Variants in ENTHD1 observed in about 807,000 individuals in gnomAD.
ENTHD1 encodes ENTH domain containing 1.
ENTHD1 carries 23 observed loss-of-function variants against 39.1 expected under a neutral mutation model. The observed-to-expected ratio is 0.59, with a 90% CI of 0.42 to 0.83. The LOEUF is 0.83. Ranked by LOEUF, ENTHD1 falls within the 40% of genes least tolerant of loss-of-function variation. The pLI is 0.00. For synonymous variants in ENTHD1, 230 were observed against 258.2 expected (o/e 0.89, Z 1.05); for missense variants, 624 against 705.4 (o/e 0.88, Z 1.31).
intron 6 of ENTHD1, among the ~76,000 whole-genome samples, chr22:39,762,773 T>A (rs145456678): frequency 1.0e-3 from 153 of 152,254 alleles, no homozygotes; most frequent in African/African-American, 3.6e-3. Flanking sequence ...TTAAAATAGA[T>A]ACTAGTATTC....
intron 5 of ENTHD1, among the ~76,000 whole-genome samples, chr22:39,772,112 C>T (rs1312896819): frequency 6.6e-6 from 1 of 152,164 alleles, no homozygotes; most frequent in Non-Finnish European, 1.5e-5. Flanking sequence ...GACAATTTTT[C>T]CACAGAACAG....
chr22:39,868,803 A>C (rs558784782), intron 2 of ENTHD1, among the ~76,000 whole-genome samples: 1 of 152,226 alleles, frequency 6.6e-6, no homozygotes, highest in Non-Finnish European at 1.5e-5. Context: ...CCAACTAAAA[A>C]ATGGGCAAAA....
At chr22:39,853,653 A>G (rs1411012790) in intron 3 of ENTHD1, among the ~76,000 whole-genome samples, 4 of 152,124 alleles carry the variant, frequency 2.6e-5, no homozygotes, top group African/African-American at 9.7e-5. Flanking sequence ...AGCTCACTGC[A>G]ACGTCTGCCT....
intron 3 of ENTHD1, among the ~76,000 whole-genome samples, chr22:39,860,217 A>G (rs1183500289): frequency 2.6e-5 from 4 of 152,228 alleles, no homozygotes; most frequent in Admixed American, 6.5e-5. Flanking sequence ...AATAAATTCA[A>G]TAATTATGTG....
intron 5 of ENTHD1, among the ~76,000 whole-genome samples, chr22:39,789,515 A>G (rs1273577039): frequency 6.6e-6 from 1 of 152,138 alleles, no homozygotes. Context: ...GGCATTTAAC[A>G]TTGACTGATT....
intron 2 of ENTHD1, among the ~76,000 whole-genome samples, chr22:39,883,855 CAAA>C (rs137949): frequency 1.5e-5 from 1 of 68,592 alleles, no homozygotes. Flanking sequence ...CTCTGTCCCA[CAAA>C]AAAAAAAAAA....
chr22:39,807,788 A>T (rs2065654734), intron 5 of ENTHD1, among the ~76,000 whole-genome samples: 3 of 152,164 alleles, frequency 2.0e-5, no homozygotes, highest in African/African-American at 7.2e-5. Flanking sequence ...TAAAAAGTAA[A>T]ATGACTAAGA....
In ENTHD1 at chr22:39,743,559, G is replaced by A; in HGVS notation, c.*120C>T. 8.2e-7 allele frequency: 1 copy of A among 1,226,816 alleles called. No individual in the cohort carries two copies. Among genetic ancestry groups the A allele is most frequent in the Non-Finnish European group, 1.1e-6 (1 of 917,408 alleles). The allele number at this position is 1,226,816 out of a possible 1,614,324, so 76.0% of individuals were successfully genotyped here. A position where few individuals can be genotyped will look rare whatever the true frequency, so the allele number is the denominator to read the frequency against. ...TTGAAAGATACTTGCTAATAAACCT[G>A]ACAAGGAAAAATTAAACCATCCCCT... On this transcript the variant is annotated 3_prime_UTR_variant, in exon 7 of 7. Coordinates refer to ENST00000325157, the MANE Select transcript of ENTHD1 (RefSeq NM_152512.4).
chr22:39,871,866 C>T (rs1211242579), intron 2 of ENTHD1, among the ~76,000 whole-genome samples: 1 of 152,100 alleles, frequency 6.6e-6, no homozygotes, highest in African/African-American at 2.4e-5. Context: ...CTTATGATGA[C>T]CTAAAGCCTG....
intron 2 of ENTHD1, among the ~76,000 whole-genome samples, chr22:39,870,642 G>A (rs984118010): frequency 3.9e-5 from 6 of 152,202 alleles, no homozygotes; most frequent in Non-Finnish European, 5.9e-5. Flanking sequence ...CCTTCTTTGG[G>A]TTTATAATAG....
At chr22:39,819,015 C>T (rs977873749) in intron 5 of ENTHD1, among the ~76,000 whole-genome samples, 3 of 152,112 alleles carry the variant, frequency 2.0e-5, no homozygotes, top group African/African-American at 7.2e-5. Context: ...TTCTATTCAG[C>T]ATTACAGTAG....
At chr22:39,824,211 T>TTA (rs1569155981) in intron 4 of ENTHD1, among the ~76,000 whole-genome samples, 1 of 135,658 alleles carries the variant, frequency 7.4e-6, no homozygotes, top group Non-Finnish European at 1.6e-5. Context: ...CTTTTTTTTT[T>TTA]TTTTTTTTTT....
At chr22:39,751,770 A>C (rs1569124341) in intron 6 of ENTHD1, among the ~76,000 whole-genome samples, 1 of 152,188 alleles carries the variant, frequency 6.6e-6, no homozygotes, top group African/African-American at 2.4e-5. Context: ...GAGACAATAA[A>C]TTATTTGTAG....
intron 3 of ENTHD1, among the ~76,000 whole-genome samples, chr22:39,853,481 C>T (rs1950740618): frequency 6.6e-6 from 1 of 152,026 alleles, no homozygotes; most frequent in South Asian, 2.1e-4. Flanking sequence ...CAGTGAGCTG[C>T]AATCGTGCCA....
chr22:39,794,458 T>C (rs1360482989), intron 5 of ENTHD1, among the ~76,000 whole-genome samples: 1 of 152,212 alleles, frequency 6.6e-6, no homozygotes, highest in Non-Finnish European at 1.5e-5. Context: ...TTTCTTTTGG[T>C]TGACTGCTTT....
chr22:39,776,056 T>A (rs990246207), intron 5 of ENTHD1, among the ~76,000 whole-genome samples: 2 of 147,184 alleles, frequency 1.4e-5, no homozygotes, highest in Non-Finnish European at 3.0e-5. Flanking sequence ...TCTGGTTAAT[T>A]TTTTTTTTTT....
rs577109864 is a variant in ENTHD1 at position 39,866,865 on chromosome 22, T to C, written c.350-4858A>G. On this transcript the variant is annotated intron_variant, in intron 2 of 6. Transcript: ENST00000325157. ...GAAAAGTTTATGAAATGAATGAATA[T>C]GCTGAGGAAAAGTTTTCCAAATGCT... is the stretch of plus-strand genomic sequence containing the variant. 6.6e-5 allele frequency among the ~76,000 whole-genome samples: 10 copies of C among 152,324 alleles called. No homozygotes were observed. The East Asian group carries it at 1.7e-3, about 26-fold the overall frequency.
intron 5 of ENTHD1, among the ~76,000 whole-genome samples, chr22:39,785,687 AC>A (rs1049344776): frequency 1.1e-4 from 16 of 152,088 alleles, no homozygotes; most frequent in African/African-American, 3.6e-4. Context: ...CAGTCCCCAA[AC>A]ATGAGACATC....
intron 4 of ENTHD1, among the ~76,000 whole-genome samples, chr22:39,833,941 C>CAAAAAAAAA (rs59299623): frequency 1.7e-5 from 2 of 117,936 alleles, no homozygotes; most frequent in East Asian, 2.5e-4. Flanking sequence ...TATACTTGGG[C>CAAAAAAAAA]AAAAAAAAAA....
Sources: allele counts gnomAD v4.1 joint callset (sites outside exome capture counted in the v4.1 genomes callset), GRCh38; gene constraint gnomAD v4.1.1; transcripts MANE v1.5; gene names NCBI Gene and HGNC (gene_info 2026-07-23, HGNC 2026-07-21).